The following PLEKHG4B variants were observed in gnomAD, a reference collection of about 807,000 sequenced individuals.
PLEKHG4B encodes pleckstrin homology and RhoGEF domain containing G4B, also known as pleckstrin homology domain-containing family G member 4B.
Under a neutral mutation model 121.3 loss-of-function variants are expected in PLEKHG4B, and 111 were observed. The ratio of observed to expected loss-of-function variants is 0.92; its 90% CI spans 0.78 to 1.07. The LOEUF (loss-of-function observed/expected upper bound fraction) is 1.07, where lower values mean the gene tolerates loss of function less well. Ranked by LOEUF, PLEKHG4B falls within the 50% of genes least tolerant of loss-of-function variation. The pLI, the probability that PLEKHG4B is intolerant of heterozygous loss-of-function variation, is 0.00. For synonymous variants in PLEKHG4B, 738 were observed against 725.0 expected, an observed-to-expected ratio of 1.02 and a Z score of -0.29; for missense variants, 1,831 against 1,757.8, an observed-to-expected ratio of 1.04 and a Z score of -0.74.
intron 1 of PLEKHG4B, among the ~76,000 whole-genome samples, chr5:94,104 C>T (rs1733554739): frequency 1.3e-5 from 2 of 152,226 alleles, no homozygotes; most frequent in African/African-American, 4.8e-5. Flanking sequence ...TCAACACCTG[C>T]CCAGCATCTC....
rs1300079421 is a variant in PLEKHG4B at position 172,879 on chromosome 5, C to T, written c.4051-18C>T. 1 of 1,613,922 alleles carries T rather than the reference C, an allele frequency of 6.2e-7. No individual in the cohort carries two copies. ...CCGGATTTTCTTGGATGAAATCCAC[C>T]TGTGTGTTCCTCTGCAGGTGAATTT... On this transcript the variant is annotated intron_variant, in intron 16 of 19. Transcript: ENST00000637938.
chr5:110,487 G>C (rs1354277161), intron 1 of PLEKHG4B, among the ~76,000 whole-genome samples: 1 of 105,614 alleles, frequency 9.5e-6, no homozygotes, highest in Non-Finnish European at 1.8e-5. Context: ...TCTGCAACAC[G>C]TGTGCACACT....
Position 163,499 on chromosome 5 carries a change from C to T in PLEKHG4B, c.3427C>T (p.Pro1143Ser). 1 of 1,612,046 alleles carries T rather than the reference C, an allele frequency of 6.2e-7. No homozygotes were observed. The highest frequency in any genetic ancestry group is 8.5e-7 in the Non-Finnish European group (1 of 1,179,720). ...CACTCAGAGCCGGAGTCTGTCCTCC[C>T]CCTCGGGGCTCCACCCTGCTGAGGA... ...PVTQSRSLSSPSGLHPAEEDG... is the reference protein window; with the variant it reads ...PVTQSRSLSSSSGLHPAEEDG... The change falls in exon 13 of 20, where the codon CCC becomes TCC. Residue 1143 changes from proline to serine, a missense_variant. Physicochemically the swap from Pro to Ser is moderately conservative, Grantham distance 74 (BLOSUM62 -1). Coordinates refer to ENST00000637938, the MANE Select transcript of PLEKHG4B (RefSeq NM_052909.5).
chr5:122,152 A>C (rs1477143999), intron 2 of PLEKHG4B, among the ~76,000 whole-genome samples: 1 of 152,198 alleles, frequency 6.6e-6, no homozygotes, highest in Non-Finnish European at 1.5e-5. Context: ...AGCAAAAATA[A>C]CACAAAGAGA....
At chr5:164,919 A>C (rs548482060) in intron 13 of PLEKHG4B, among the ~76,000 whole-genome samples, 1 of 37,116 alleles carries the variant, frequency 2.7e-5, no homozygotes, top group Non-Finnish European at 6.4e-5. Context: ...GACGGGGCGG[A>C]GCTCACACTA....
chr5:103,963 G>A (rs1281296815), intron 1 of PLEKHG4B, among the ~76,000 whole-genome samples: 1 of 152,120 alleles, frequency 6.6e-6, no homozygotes, highest in Non-Finnish European at 1.5e-5. Context: ...TTAGAAGTTT[G>A]TGTTTCTGTG....
Position 169,542 on chromosome 5 carries a change from G to A in PLEKHG4B, c.3679G>A (p.Glu1227Lys). ...CCAGCAGCACTTCCTCCGGGAGCTGGAGCGCTGCCAGCACTGCCCCTTGGC... is the reference window on the plus strand; with the variant it reads ...CCAGCAGCACTTCCTCCGGGAGCTGAAGCGCTGCCAGCACTGCCCCTTGGC... ...FHQQHFLREL[E>K]RCQHCPLAVG... is the part of the protein sequence containing the mutation. Residue 1227 changes from glutamate to lysine, a missense_variant, in exon 14 of 20, where the codon GAG becomes AAG. By Grantham distance (56) the Glu-to-Lys change is moderately conservative (BLOSUM62 1). Transcript: ENST00000637938. The A allele has an allele frequency of 1.2e-6, 2 of 1,613,926 alleles. No homozygotes were observed. The highest frequency in any genetic ancestry group is 1.7e-6 in the Non-Finnish European group (2 of 1,180,044).
intron 11 of PLEKHG4B, among the ~76,000 whole-genome samples, 166 bp from the exon 12 acceptor site, chr5:161,617 G>A (rs1041983198): frequency 6.6e-6 from 1 of 152,032 alleles, no homozygotes; most frequent in Admixed American, 6.5e-5. Context: ...CTAGAGAAAT[G>A]CCTCGGTCCT....
intron 2 of PLEKHG4B, among the ~76,000 whole-genome samples, chr5:117,424 A>T (rs1212492859): frequency 6.6e-6 from 1 of 152,212 alleles, no homozygotes; most frequent in African/African-American, 2.4e-5. Context: ...TTGAGTGATT[A>T]CTGTTGCCTG....
At chr5:110,437 AC>A (rs1487018430) in intron 1 of PLEKHG4B, among the ~76,000 whole-genome samples, 1 of 149,898 alleles carries the variant, frequency 6.7e-6, no homozygotes, top group Non-Finnish European at 1.5e-5. Flanking sequence ...ACGTGCACAC[AC>A]CCACACAATC....
Position 156,833 on chromosome 5 carries a change from G to C in PLEKHG4B, c.2409G>C (p.Leu803=), listed in dbSNP as rs748633471. 2 of 1,598,188 alleles carry C rather than the reference G, an allele frequency of 1.3e-6. No homozygotes were observed. The highest frequency in any genetic ancestry group is 1.7e-6 in the Non-Finnish European group (2 of 1,173,148). Residue 803 remains leucine (L), a synonymous_variant, in exon 11 of 20, where the codon CTG becomes CTC. Coordinates refer to ENST00000637938, the MANE Select transcript of PLEKHG4B (RefSeq NM_052909.5). This position sits in a 1 kb window ranked among gnomAD's most constrained non-coding sequence, Gnocchi z 4.4. ...GAGTGGATGAGGAGGTGCACAGGCT[G>C]GTCCTCACCTCGAACAATCGTCTCC... The part of the protein sequence containing the change: ...YDRVDEEVHR[L]VLTSNNRLQQ...
rs3810870 is a variant in PLEKHG4B, at chr5:163,090, G to T, written c.3018G>T (p.Ala1006=). The T allele has an allele frequency of 6.4e-7, 1 of 1,563,760 alleles. No homozygotes were observed. Residue 1006 remains alanine, a synonymous_variant, in exon 13 of 20, where the codon GCG becomes GCT. Transcript: ENST00000637938. Reference sequence around the variant, plus strand: ...GTGGGGGTGGTGCCTGGGAACCTGCGCAACCACTGTCCGGCCTCCCTGGAC... The same window carrying T: ...GTGGGGGTGGTGCCTGGGAACCTGCTCAACCACTGTCCGGCCTCCCTGGAC... ...TDSGGGAWEP[A]QPLSGLPGRA... is the part of the protein sequence containing the mutation.
At chr5:178,643 A>G (rs1277823370) in intron 18 of PLEKHG4B, among the ~76,000 whole-genome samples, 2 of 152,220 alleles carry the variant, frequency 1.3e-5, no homozygotes, top group African/African-American at 4.8e-5. Context: ...TTGAAGCTAA[A>G]TTAGTAGGTG....
At chr5:180,994 A>G (rs1736913921) in intron 18 of PLEKHG4B, among the ~76,000 whole-genome samples, 1 of 152,210 alleles carries the variant, frequency 6.6e-6, no homozygotes, top group South Asian at 2.1e-4. Context: ...CATACATGCA[A>G]TTATGTTTTC....
intron 1 of PLEKHG4B, among the ~76,000 whole-genome samples, chr5:103,740 C>T (rs941188949): frequency 8.5e-5 from 13 of 152,184 alleles, no homozygotes; most frequent in African/African-American, 2.7e-4. Context: ...TCTCTTCTAG[C>T]TATATACAGT....
intron 2 of PLEKHG4B, among the ~76,000 whole-genome samples, chr5:132,473 A>G (rs903907660): frequency 6.6e-6 from 1 of 152,200 alleles, no homozygotes; most frequent in Non-Finnish European, 1.5e-5. Flanking sequence ...GCCTAAGCCA[A>G]TGTCTAAAAG....
chr5:149,887 G>A (rs191332481), intron 6 of PLEKHG4B, among the ~76,000 whole-genome samples: 4 of 152,308 alleles, frequency 2.6e-5, no homozygotes, highest in Non-Finnish European at 5.9e-5. Context: ...GCAAAGATAC[G>A]GAGAAACTGG....
chr5:175,067 C>T lies in PLEKHG4B; in HGVS notation c.4402+969C>T, dbSNP rs143024493. Among the ~76,000 whole-genome samples, 536 of 152,254 alleles carry T rather than the reference C, an allele frequency of 3.5e-3. 4 individuals are homozygous for T. The highest frequency in any genetic ancestry group is 8.2e-3 in the Admixed American group (126 of 15,306). Reference sequence around the variant, plus strand: ...CGACAGCACTCACACACGTGTCTCTCGTGTCCACAAGCGAACATAAGGCAC... The same window carrying T: ...CGACAGCACTCACACACGTGTCTCTTGTGTCCACAAGCGAACATAAGGCAC... On this transcript the variant is annotated intron_variant, in intron 18 of 19. Coordinates refer to ENST00000637938, the MANE Select transcript of PLEKHG4B (RefSeq NM_052909.5).
intron 8 of PLEKHG4B, among the ~76,000 whole-genome samples, 166 bp downstream of exon 8, chr5:155,157 G>A (rs553523353): frequency 6.6e-6 from 1 of 152,312 alleles, no homozygotes; most frequent in South Asian, 2.1e-4. Context: ...TGGTGCATCT[G>A]AGAATGCCGA....
Sources: allele counts gnomAD v4.1 joint callset (sites outside exome capture counted in the v4.1 genomes callset), GRCh38; gene constraint gnomAD v4.1.1; non-coding constraint Gnocchi (gnomAD v3.1); transcripts MANE v1.5; gene names NCBI Gene and HGNC (gene_info 2026-07-23, HGNC 2026-07-21).